WDPCP: variants seen among roughly 807,000 people sequenced by gnomAD.
WDPCP encodes WD repeat-containing and planar cell polarity effector protein fritz homolog.
A neutral mutation model predicts 93.1 loss-of-function variants in WDPCP; 71 were observed. The observed-to-expected ratio is 0.76, with a 90% confidence interval of 0.63 to 0.93. The LOEUF (loss-of-function observed/expected upper bound fraction) is 0.93. Among genes scored for constraint, WDPCP ranks in the 40% least tolerant of loss-of-function variants. The probability of loss-of-function intolerance (pLI) is 0.00; values close to 1 mark genes in which losing one functional copy is unlikely to be tolerated. For synonymous variants in WDPCP, 315 were observed against 315.0 expected (o/e 1.00, Z 0.00); for missense variants, 844 against 887.4 (o/e 0.95, Z 0.62).
At chr2:63,404,716 C>G in intron 9 of WDPCP, 59 bp from the exon 10 acceptor site, 1 of 1,593,746 alleles carries the variant, frequency 6.3e-7, no homozygotes, top group Non-Finnish European at 8.6e-7. Flanking sequence ...CAACTTCACA[C>G]CTAGGACTGC....
chr2:63,615,034 G>C (rs997297211), intron 3 of WDPCP, among the ~76,000 whole-genome samples: 9 of 152,218 alleles, frequency 5.9e-5, no homozygotes, highest in African/African-American at 1.9e-4. Flanking sequence ...TTGTTATAGT[G>C]AGAGAGGAGG....
At chr2:63,317,774 C>A (rs929229736) in intron 12 of WDPCP, among the ~76,000 whole-genome samples, 1 of 151,970 alleles carries the variant, frequency 6.6e-6, no homozygotes, top group Non-Finnish European at 1.5e-5. Flanking sequence ...TCAAGATGAA[C>A]TACAGACTTA....
chr2:63,638,578 C>A (rs1454985521), intron 3 of WDPCP, among the ~76,000 whole-genome samples: 1 of 152,020 alleles, frequency 6.6e-6, no homozygotes, highest in Non-Finnish European at 1.5e-5. Context: ...TTGCTTGAGG[C>A]CTGGATTATG....
chr2:63,208,512 TG>T (rs1226209156), intron 14 of WDPCP, among the ~76,000 whole-genome samples: 13 of 152,190 alleles, frequency 8.5e-5, no homozygotes, highest in Non-Finnish European at 1.6e-4. Context: ...CTCCTAAGTT[TG>T]GGGATTCATC....
intron 17 of WDPCP, among the ~76,000 whole-genome samples, chr2:63,133,997 A>T (rs1437823896): frequency 6.6e-6 from 1 of 152,078 alleles, no homozygotes; most frequent in Non-Finnish European, 1.5e-5. Flanking sequence ...TTGTTTCTTT[A>T]ATGTTTATTA....
intron 6 of WDPCP, among the ~76,000 whole-genome samples, chr2:63,454,914 G>A (rs1698520115): frequency 6.6e-6 from 1 of 152,062 alleles, no homozygotes. Flanking sequence ...TAGTCAAATT[G>A]CTGAAAGAAA....
chr2:63,381,742 G>A (rs1041468892), intron 11 of WDPCP, among the ~76,000 whole-genome samples, 164 bp downstream of exon 11: 6 of 152,096 alleles, frequency 3.9e-5, no homozygotes, highest in African/African-American at 1.4e-4. Flanking sequence ...TACTATATGG[G>A]AGCAATTATT....
intron 14 of WDPCP, among the ~76,000 whole-genome samples, chr2:63,208,154 G>C (rs947845875): frequency 6.6e-6 from 1 of 151,686 alleles, no homozygotes; most frequent in Non-Finnish European, 1.5e-5. Context: ...TAAAATATTG[G>C]GGTCAATTCT....
intron 13 of WDPCP, among the ~76,000 whole-genome samples, chr2:63,263,006 A>G (rs6714989): frequency 0.03 from 4,635 of 152,212 alleles, 206 homozygotes; most frequent in African/African-American, 0.1. Context: ...CAGTCCATTT[A>G]TTTGCTGATT....
At chr2:63,351,851 C>T (rs1191193668) in intron 12 of WDPCP, among the ~76,000 whole-genome samples, 1 of 152,216 alleles carries the variant, frequency 6.6e-6, no homozygotes, top group East Asian at 1.9e-4. Context: ...CTCCAGACTG[C>T]TTTCCACAGT....
At chr2:63,210,891 G>A (rs1185690819) in intron 14 of WDPCP, among the ~76,000 whole-genome samples, 1 of 152,206 alleles carries the variant, frequency 6.6e-6, no homozygotes, top group African/African-American at 2.4e-5. Flanking sequence ...ACTGCAAGGG[G>A]GCAGCAAGGC....
At chr2:63,242,195 T>G (rs904650891) in intron 14 of WDPCP, among the ~76,000 whole-genome samples, 77 of 152,276 alleles carry the variant, frequency 5.1e-4, no homozygotes, top group African/African-American at 1.8e-3. Flanking sequence ...TATCAGAATT[T>G]TAAAATACAT....
chr2:63,521,811 C>T (rs969976594), intron 1 of WDPCP, among the ~76,000 whole-genome samples: 1 of 152,074 alleles, frequency 6.6e-6, no homozygotes, highest in Non-Finnish European at 1.5e-5. Flanking sequence ...TTAAAAAACA[C>T]CAAAATTACA....
chr2:63,603,292 A>G (rs1246053286), intron 3 of WDPCP, among the ~76,000 whole-genome samples: 2 of 152,130 alleles, frequency 1.3e-5, no homozygotes, highest in African/African-American at 4.8e-5. Flanking sequence ...GAGTTGTTTC[A>G]GTTTGGAGCT....
intron 17 of WDPCP, among the ~76,000 whole-genome samples, chr2:63,145,228 G>A (rs745317340): frequency 2.9e-4 from 44 of 152,158 alleles, no homozygotes; most frequent in Non-Finnish European, 1.0e-4. Flanking sequence ...TTTTGGGCTG[G>A]TTGGACTCTT....
chr2:63,503,153 G>A (rs1426618944), intron 1 of WDPCP, among the ~76,000 whole-genome samples: 1 of 152,168 alleles, frequency 6.6e-6, no homozygotes, highest in African/African-American at 2.4e-5. Flanking sequence ...AATAGATCTT[G>A]TCAATTTAAC....
At chr2:63,760,462 A>T (rs1670040546) in intron 2 of WDPCP, among the ~76,000 whole-genome samples, 1 of 151,774 alleles carries the variant, frequency 6.6e-6, no homozygotes, top group Non-Finnish European at 1.5e-5. Context: ...GCCCCTAACA[A>T]CTTCTAGAAC....
intron 1 of WDPCP, among the ~76,000 whole-genome samples, chr2:63,576,000 T>C (rs958369745): frequency 1.3e-5 from 2 of 152,150 alleles, no homozygotes; most frequent in Non-Finnish European, 2.9e-5. Flanking sequence ...TAAGTAATTT[T>C]ATTTTTTCAA....
intron 1 of WDPCP, among the ~76,000 whole-genome samples, chr2:63,504,187 A>C (rs1350191150): frequency 6.6e-6 from 1 of 152,090 alleles, no homozygotes; most frequent in East Asian, 1.9e-4. Flanking sequence ...TGGCTTCTAG[A>C]AAAACTTAGA....
Sources: allele counts gnomAD v4.1 joint callset (sites outside exome capture counted in the v4.1 genomes callset), GRCh38; gene constraint gnomAD v4.1.1; transcripts MANE v1.5; gene names NCBI Gene and HGNC (gene_info 2026-07-23, HGNC 2026-07-21).